The following FRMD4A variants were observed in gnomAD, a reference collection of about 807,000 sequenced individuals.
FRMD4A encodes FERM domain-containing protein 4A.
FRMD4A carries 29 observed loss-of-function variants against 129.1 expected under a neutral mutation model. The observed-to-expected ratio is 0.22, with a 90% confidence interval of 0.17 to 0.31. The LOEUF is 0.31. FRMD4A is among the 10% of genes least tolerant of loss of function. FRMD4A has a pLI of 1.00. For missense variants in FRMD4A, 1,272 were observed against 1,375.8 expected (o/e 0.92, Z 1.19); for synonymous variants, 634 against 571.6 (o/e 1.11, Z -1.56).
At chr10:14,038,925 T>C (rs1466052510) in intron 2 of FRMD4A, among the ~76,000 whole-genome samples, 1 of 152,190 alleles carries the variant, frequency 6.6e-6, no homozygotes, top group Non-Finnish European at 1.5e-5. Flanking sequence ...AAAACGATAA[T>C]AATATCAACC....
intron 2 of FRMD4A, among the ~76,000 whole-genome samples, chr10:13,873,867 A>G (rs1308260557): frequency 1.3e-5 from 2 of 152,116 alleles, no homozygotes; most frequent in Non-Finnish European, 2.9e-5. Context: ...ATTTAAAACA[A>G]GGAAAGTCTA....
At chr10:14,274,714 G>A (rs1845279918) in intron 2 of FRMD4A, among the ~76,000 whole-genome samples, 1 of 152,164 alleles carries the variant, frequency 6.6e-6, no homozygotes, top group Non-Finnish European at 1.5e-5. Flanking sequence ...CCACCTCTTA[G>A]AAACATGATC....
At chr10:13,709,752 C>A (rs2087825973) in intron 12 of FRMD4A, among the ~76,000 whole-genome samples, 1 of 152,200 alleles carries the variant, frequency 6.6e-6, no homozygotes, top group Non-Finnish European at 1.5e-5. Context: ...GGTGTGCGAC[C>A]TGAGGGCCCT....
At chr10:14,132,482 T>A (rs1810565290) in intron 2 of FRMD4A, among the ~76,000 whole-genome samples, 1 of 152,188 alleles carries the variant, frequency 6.6e-6, no homozygotes, top group African/African-American at 2.4e-5. Context: ...ATTCCCCTTT[T>A]AATGTCCACG....
intron 2 of FRMD4A, among the ~76,000 whole-genome samples, chr10:13,930,841 A>AT (rs34279360): frequency 7.9e-5 from 12 of 151,654 alleles, no homozygotes; most frequent in South Asian, 2.1e-4. Flanking sequence ...TTATTTGTTA[A>AT]TTTTTTTTTA....
At chr10:13,920,768 C>T (rs1405868516) in intron 2 of FRMD4A, among the ~76,000 whole-genome samples, 2 of 152,186 alleles carry the variant, frequency 1.3e-5, no homozygotes, top group Non-Finnish European at 2.9e-5. Flanking sequence ...GTACACATGG[C>T]ATGTTTGTTT....
intron 2 of FRMD4A, among the ~76,000 whole-genome samples, chr10:13,931,180 T>C (rs1437993139): frequency 6.6e-6 from 1 of 152,104 alleles, no homozygotes; most frequent in Non-Finnish European, 1.5e-5. Context: ...TTAGAGATGG[T>C]TTAACCCACC....
intron 2 of FRMD4A, among the ~76,000 whole-genome samples, chr10:13,866,941 C>G (rs2094375145): frequency 6.6e-6 from 1 of 152,196 alleles, no homozygotes; most frequent in Non-Finnish European, 1.5e-5. Flanking sequence ...GAGTGAAACT[C>G]TGTCTCAAAA....
chr10:13,933,318 A>ATACACCAAG (rs2095218869), intron 2 of FRMD4A, among the ~76,000 whole-genome samples: 1 of 152,208 alleles, frequency 6.6e-6, no homozygotes, highest in Non-Finnish European at 1.5e-5. Flanking sequence ...TACATAGGGC[A>ATACACCAAG]TACACCAAGT....
intron 2 of FRMD4A, among the ~76,000 whole-genome samples, chr10:14,211,278 G>C (rs908968137): frequency 1.3e-5 from 2 of 152,296 alleles, no homozygotes; most frequent in East Asian, 3.9e-4. Context: ...GGCAGGTACT[G>C]TCATAATCCC....
chr10:14,134,933 G>A (rs1839458538), intron 2 of FRMD4A, among the ~76,000 whole-genome samples: 1 of 152,224 alleles, frequency 6.6e-6, no homozygotes, highest in Admixed American at 6.5e-5. Flanking sequence ...CCCTGTTACA[G>A]TTGACATCAG....
intron 2 of FRMD4A, among the ~76,000 whole-genome samples, chr10:14,279,713 C>A (rs955020040): frequency 6.6e-6 from 1 of 152,192 alleles, no homozygotes; most frequent in East Asian, 1.9e-4. Flanking sequence ...ACAATAACAA[C>A]GTGTCCTAAC....
chr10:13,764,502 CAAAT>C (rs369343930), intron 6 of FRMD4A, among the ~76,000 whole-genome samples: 7 of 104,174 alleles, frequency 6.7e-5, no homozygotes, highest in Admixed American at 2.2e-4. Flanking sequence ...GACCCTGCCT[CAAAT>C]AAACAAACAA....
intron 2 of FRMD4A, among the ~76,000 whole-genome samples, chr10:14,051,990 T>G (rs1307762089): frequency 6.6e-6 from 1 of 152,202 alleles, no homozygotes; most frequent in Non-Finnish European, 1.5e-5. Flanking sequence ...GAGGTCACAC[T>G]GGAGTAGGGT....
Position 13,781,851 on chromosome 10 carries a change from C to T in FRMD4A, c.384+1071G>A, listed in dbSNP as rs115208076. Among the ~76,000 whole-genome samples, 716 of 152,148 alleles carry T rather than the reference C, an allele frequency of 4.7e-3. 9 individuals are homozygous for T. The highest frequency in any genetic ancestry group is 0.017 in the African/African-American group (687 of 41,482). Reference sequence around the variant, plus strand: ...GGAAGGGGAAGTTGTTTAATGAGTACAGAGTTTCAGTTTAGCAGATGAAAA... The same window carrying T: ...GGAAGGGGAAGTTGTTTAATGAGTATAGAGTTTCAGTTTAGCAGATGAAAA... On this transcript the variant is annotated intron_variant, in intron 6 of 24. Coordinates refer to ENST00000357447, the MANE Select transcript of FRMD4A (RefSeq NM_018027.5).
chr10:13,656,110 A>G (rs2082119710), intron 22 of FRMD4A, among the ~76,000 whole-genome samples: 2 of 151,686 alleles, frequency 1.3e-5, no homozygotes, highest in South Asian at 4.1e-4. Context: ...TGGGAAAGCC[A>G]GGAGCAGCCA....
intron 15 of FRMD4A, among the ~76,000 whole-genome samples, chr10:13,691,035 T>C (rs1318557126): frequency 6.6e-6 from 1 of 152,224 alleles, no homozygotes; most frequent in Non-Finnish European, 1.5e-5. Context: ...CCGCTCAGGC[T>C]GGAGTACAGT....
intron 2 of FRMD4A, among the ~76,000 whole-genome samples, chr10:14,260,897 C>T (rs1286386890): frequency 6.6e-6 from 1 of 152,226 alleles, no homozygotes; most frequent in Non-Finnish European, 1.5e-5. Context: ...TCTGAGTAGA[C>T]ACCTGGGGTC....
chr10:13,995,131 CAT>C (rs1302272148), intron 2 of FRMD4A, among the ~76,000 whole-genome samples: 2 of 152,164 alleles, frequency 1.3e-5, no homozygotes, highest in Non-Finnish European at 2.9e-5. Flanking sequence ...ATACATGAGA[CAT>C]GTTTCTCTTA....
Sources: allele counts gnomAD v4.1 joint callset (sites outside exome capture counted in the v4.1 genomes callset), GRCh38; gene constraint gnomAD v4.1.1; transcripts MANE v1.5; gene names NCBI Gene and HGNC (gene_info 2026-07-23, HGNC 2026-07-21).